The following MBOAT1 variants were observed in gnomAD, a reference collection of about 807,000 sequenced individuals.
MBOAT1 encodes membrane bound glycerophospholipid O-acyltransferase 1.
In MBOAT1, 67 loss-of-function variants were observed where a neutral mutation model predicts 64.4. That is an observed-to-expected ratio of 1.04 (90% CI 0.85 to 1.27). The LOEUF (loss-of-function observed/expected upper bound fraction) is 1.27. Among genes scored for constraint, MBOAT1 ranks in the 50% most tolerant of loss-of-function variants. The pLI, the probability that MBOAT1 is intolerant of heterozygous loss-of-function variation, is 0.00. For synonymous variants in MBOAT1, 229 were observed against 218.9 expected (o/e 1.05, Z -0.41); for missense variants, 563 against 604.6 (o/e 0.93, Z 0.72).
intron 1 of MBOAT1, among the ~76,000 whole-genome samples, chr6:20,189,641 T>C (rs1215759970): frequency 1.3e-5 from 2 of 152,232 alleles, no homozygotes; most frequent in African/African-American, 4.8e-5. Context: ...CTTGAACTTA[T>C]TCTTTCTAAC....
intron 4 of MBOAT1, among the ~76,000 whole-genome samples, chr6:20,132,956 C>T (rs1581412135): frequency 6.6e-6 from 1 of 152,326 alleles, no homozygotes; most frequent in Middle Eastern, 3.4e-3. Context: ...TCATTCCTCT[C>T]ATCCTAATTC....
chr6:20,158,191 G>C (rs778007570), intron 1 of MBOAT1, among the ~76,000 whole-genome samples: 2 of 147,162 alleles, frequency 1.4e-5, no homozygotes, highest in Non-Finnish European at 3.0e-5. Flanking sequence ...GGAAGAAAAT[G>C]AAAATATATA....
chr6:20,144,035 A>G (rs1761256379), intron 4 of MBOAT1, among the ~76,000 whole-genome samples, 185 bp downstream of exon 4: 1 of 152,240 alleles, frequency 6.6e-6, no homozygotes. Flanking sequence ...CCTGTCTTAC[A>G]GCATAGCAGA....
chr6:20,132,320 C>G (rs1343311506), intron 4 of MBOAT1, among the ~76,000 whole-genome samples: 1 of 152,174 alleles, frequency 6.6e-6, no homozygotes, highest in Non-Finnish European at 1.5e-5. Flanking sequence ...TAAAAATGCT[C>G]TACTATGCTT....
chr6:20,150,127 G>A (rs1761447144), intron 3 of MBOAT1, among the ~76,000 whole-genome samples: 1 of 152,154 alleles, frequency 6.6e-6, no homozygotes, highest in African/African-American at 2.4e-5. Context: ...CAGAGACCAT[G>A]CAAAACAGAT....
intron 4 of MBOAT1, among the ~76,000 whole-genome samples, chr6:20,141,342 CTTTTCT>C (rs1175082139): frequency 1.5e-5 from 2 of 135,824 alleles, no homozygotes; most frequent in African/African-American, 5.4e-5. Context: ...CTCATTTTTT[CTTTTCT>C]TTTTCTTTTT....
At chr6:20,131,330 G>A in intron 4 of MBOAT1, 131 bp from the exon 5 acceptor site, 3 of 743,088 alleles carry the variant, frequency 4.0e-6, no homozygotes, top group Non-Finnish European at 4.7e-6. Context: ...GGACCAAATG[G>A]GAGGTAATTG....
Position 20,109,682 on chromosome 6 carries a change from G to T in MBOAT1, c.1277C>A (p.Thr426Asn), listed in dbSNP as rs1354662717. 1.9e-6 allele frequency: 3 copies of T among 1,614,060 alleles called. No homozygotes were observed. Among genetic ancestry groups the T allele is most frequent in the Non-Finnish European group, 2.5e-6 (3 of 1,180,026 alleles). Residue 426 changes from threonine to asparagine, a missense_variant, in exon 12 of 13, where the codon ACC (threonine) becomes AAC (asparagine). By Grantham distance (65) the Thr-to-Asn change is moderately conservative. Transcript: ENST00000324607. ...GACAGCCAGCTGAGTGACGGCCCAG[G>T]TGCCTGCATCATACACAGCCTTGAG... Reference protein sequence around the residue: ...RALKAVYDAGTWAVTQLAVSY... With the variant: ...RALKAVYDAGNWAVTQLAVSY...
intron 1 of MBOAT1, among the ~76,000 whole-genome samples, chr6:20,198,437 A>G (rs1419448235): frequency 1.3e-5 from 2 of 152,178 alleles, no homozygotes; most frequent in Non-Finnish European, 2.9e-5. Context: ...ATCAAGTACA[A>G]GACCCTCTTC....
chr6:20,206,801 CAG>C (rs1763279312), intron 1 of MBOAT1, among the ~76,000 whole-genome samples: 2 of 152,276 alleles, frequency 1.3e-5, no homozygotes, highest in South Asian at 2.1e-4. Flanking sequence ...CTACACTCAA[CAG>C]ACTTTCACCC....
intron 4 of MBOAT1, among the ~76,000 whole-genome samples, chr6:20,131,556 TCTTTC>T (rs750332374): frequency 1.1e-4 from 17 of 152,220 alleles, no homozygotes; most frequent in Non-Finnish European, 2.5e-4. Context: ...CAATTAAACC[TCTTTC>T]CTTTATAAAT....
chr6:20,178,400 GATA>G (rs1194324653), intron 1 of MBOAT1, among the ~76,000 whole-genome samples: 4 of 152,086 alleles, frequency 2.6e-5, no homozygotes, highest in Middle Eastern at 3.4e-3. Context: ...AAATAAAGTT[GATA>G]ATAAAAAAAG....
intron 1 of MBOAT1, among the ~76,000 whole-genome samples, chr6:20,195,444 T>G (rs1405582417): frequency 6.6e-6 from 1 of 152,184 alleles, no homozygotes; most frequent in Non-Finnish European, 1.5e-5. Flanking sequence ...TAGGTTCACC[T>G]TGTATATATT....
intron 1 of MBOAT1, among the ~76,000 whole-genome samples, chr6:20,164,345 T>C (rs935151556): frequency 1.3e-5 from 2 of 152,068 alleles, no homozygotes; most frequent in African/African-American, 4.8e-5. Flanking sequence ...TAAGTGGGTA[T>C]GTGGGATACT....
intron 1 of MBOAT1, among the ~76,000 whole-genome samples, chr6:20,179,603 G>A (rs375775391): frequency 1.2e-4 from 19 of 152,226 alleles, no homozygotes; most frequent in Admixed American, 5.9e-4. Flanking sequence ...GTCTGTTATT[G>A]TGAATAGTGC....
rs2113617231 is a variant in MBOAT1 at position 20,101,244 on chromosome 6, C to A, written c.*1042G>T. Among the ~76,000 whole-genome samples, 1 of 152,282 alleles carries A rather than the reference C, an allele frequency of 6.6e-6. No individual in the cohort carries two copies. The highest frequency in any genetic ancestry group is 2.1e-4 in the South Asian group (1 of 4,834). Reference sequence around the variant, plus strand: ...ACCAACCCCGGGCAAGCAGGTGGCGCCTGTGAAATGGAAAACATTCGGAAA... The same window carrying A: ...ACCAACCCCGGGCAAGCAGGTGGCGACTGTGAAATGGAAAACATTCGGAAA... On this transcript the variant is annotated 3_prime_UTR_variant, in exon 13 of 13. Transcript: ENST00000324607.
chr6:20,136,558 G>C (rs1213862557), intron 4 of MBOAT1, among the ~76,000 whole-genome samples: 1 of 152,194 alleles, frequency 6.6e-6, no homozygotes, highest in Admixed American at 6.5e-5. Flanking sequence ...GGGCTGGTCA[G>C]ATGGAGTGAC....
chr6:20,205,944 C>T (rs79100497), intron 1 of MBOAT1, among the ~76,000 whole-genome samples: 2,401 of 152,236 alleles, frequency 0.016, 62 homozygotes, highest in African/African-American at 0.054. Flanking sequence ...CTCCCCAACC[C>T]TCACTCGCGG....
At chr6:20,168,670 A>C (rs1762101247) in intron 1 of MBOAT1, among the ~76,000 whole-genome samples, 1 of 120,764 alleles carries the variant, frequency 8.3e-6, no homozygotes, top group Non-Finnish European at 1.7e-5. Context: ...AGAGAGAAAG[A>C]GAGAGAGAAG....
Sources: allele counts gnomAD v4.1 joint callset (sites outside exome capture counted in the v4.1 genomes callset), GRCh38; gene constraint gnomAD v4.1.1; transcripts MANE v1.5; gene names NCBI Gene and HGNC (gene_info 2026-07-23, HGNC 2026-07-21).